The following RGS18 variants were observed in gnomAD, a reference collection of about 807,000 sequenced individuals.
The protein encoded by RGS18 is regulator of G-protein signaling 18.
RGS18 carries 22 observed loss-of-function variants against 27.6 expected under a neutral mutation model. The observed-to-expected ratio is 0.80, with a 90% CI of 0.57 to 1.14. RGS18 has a LOEUF of 1.14. Ranked by LOEUF, RGS18 falls within the 50% of genes most tolerant of loss-of-function variation. The pLI, the probability that RGS18 is intolerant of heterozygous loss-of-function variation, is 0.00. For missense variants in RGS18, 299 were observed against 269.6 expected (o/e 1.11, Z -0.76); for synonymous variants, 89 against 84.6 (o/e 1.05, Z -0.29).
chr1:192,169,240 A>T (rs900641167), intron 3 of RGS18: 2 of 152,174 alleles, frequency 1.3e-5, no homozygotes, highest in Non-Finnish European at 2.9e-5. Flanking sequence ...ATTATTTAAT[A>T]ACTCACTTTA....
At chr1:192,179,996 G>A (rs1376781473) in intron 3 of RGS18, among the ~76,000 whole-genome samples, 1 of 151,578 alleles carries the variant, frequency 6.6e-6, no homozygotes, top group African/African-American at 2.4e-5. Flanking sequence ...CTTCCTACGA[G>A]TTCATGTAAA....
At chr1:192,180,765 G>A (rs1280802644) in intron 3 of RGS18, among the ~76,000 whole-genome samples, 2 of 151,650 alleles carry the variant, frequency 1.3e-5, no homozygotes, top group African/African-American at 4.8e-5. Flanking sequence ...GCAAATTGAA[G>A]CCTTGTTCAT....
At chr1:192,160,299 T>C in intron 2 of RGS18, 79 bp from the exon 3 acceptor site, 1 of 746,140 alleles carries the variant, frequency 1.3e-6, no homozygotes, top group Non-Finnish European at 2.2e-6. Flanking sequence ...AAAAGAGCAG[T>C]AAAATAGCAT....
At chr1:192,179,575 G>T (rs1656415070) in intron 3 of RGS18, among the ~76,000 whole-genome samples, 1 of 151,412 alleles carries the variant, frequency 6.6e-6, no homozygotes, top group African/African-American at 2.4e-5. Flanking sequence ...ATGGCAGAAT[G>T]GTTAAACAAA....
At chr1:192,165,101 TAAC>T (rs1656140848) in intron 3 of RGS18, among the ~76,000 whole-genome samples, 1 of 152,038 alleles carries the variant, frequency 6.6e-6, no homozygotes, top group African/African-American at 2.4e-5. Flanking sequence ...TATTAATAAT[TAAC>T]AGCCCTGGGG....
At chr1:192,161,641 A>G (rs926779459) in intron 3 of RGS18, among the ~76,000 whole-genome samples, 2 of 152,088 alleles carry the variant, frequency 1.3e-5, no homozygotes, top group Non-Finnish European at 2.9e-5. Context: ...TTGAAATACA[A>G]TCATTTCCCA....
rs191806978 is a variant in RGS18, at chr1:192,180,262, A to G, written c.284-1030A>G. 2.7e-3 allele frequency among the ~76,000 whole-genome samples: 416 copies of G among 151,716 alleles called. 3 individuals are homozygous for G. Among genetic ancestry groups the G allele is most frequent in the African/African-American group, 9.7e-3 (401 of 41,474 alleles). The stretch of plus-strand genomic sequence containing the variant: ...CTAAAACCCTTATGGAGTTTTTAAT[A>G]TGTCCCAGTTACTGTTCCAAACACT... On this transcript the variant is annotated intron_variant, in intron 3 of 4. Transcript: ENST00000367460.
At chr1:192,175,242 T>A (rs550885187) in intron 3 of RGS18, among the ~76,000 whole-genome samples, 1 of 152,026 alleles carries the variant, frequency 6.6e-6, no homozygotes, top group South Asian at 2.1e-4. Flanking sequence ...TCCAACATTT[T>A]AGATAACTTA....
chr1:192,176,650 G>T (rs1457062559), intron 3 of RGS18, among the ~76,000 whole-genome samples: 1 of 151,234 alleles, frequency 6.6e-6, no homozygotes, highest in East Asian at 2.0e-4. Flanking sequence ...TCAAATCAAG[G>T]GCTTTGTCCA....
At chr1:192,162,665 C>T (rs749376304) in intron 3 of RGS18, among the ~76,000 whole-genome samples, 35 of 152,146 alleles carry the variant, frequency 2.3e-4, no homozygotes, top group African/African-American at 7.7e-4. Context: ...TTTCTTGCTC[C>T]GATTGTTTTG....
At chr1:192,173,279 A>T (rs1416114391) in intron 3 of RGS18, among the ~76,000 whole-genome samples, 1 of 152,008 alleles carries the variant, frequency 6.6e-6, no homozygotes, top group East Asian at 1.9e-4. Context: ...TAATGCCAGA[A>T]TATTTGCACC....
At chr1:192,176,279 T>C (rs796974277) in intron 3 of RGS18, among the ~76,000 whole-genome samples, 14 of 151,986 alleles carry the variant, frequency 9.2e-5, no homozygotes, top group Admixed American at 6.6e-4. Flanking sequence ...GTTTCCTTTT[T>C]TCAGTAGCCT....
chr1:192,160,475 A>G, intron 3 of RGS18, 36 bp downstream of exon 3: 1 of 1,470,126 alleles, frequency 6.8e-7, no homozygotes, highest in Non-Finnish European at 9.5e-7. Flanking sequence ...TTGTGTGCTT[A>G]ATGGAAAATT....
chr1:192,180,989 G>A (rs980534545), intron 3 of RGS18, among the ~76,000 whole-genome samples: 3 of 151,584 alleles, frequency 2.0e-5, no homozygotes, highest in Admixed American at 6.6e-5. Context: ...CGAGGGGAAC[G>A]GATAAAAGAG....
At position 192,177,262 on chromosome 1, in the gene RGS18, A is replaced by AT. The variant is rs553204628; in HGVS notation, c.284-4020dup. Reference sequence around the variant, plus strand: ...TTCACAATAGGACACAATTTTGTGGATTTTTTTTTTGCTTTTTTATGTTAC... The same window carrying AT: ...TTCACAATAGGACACAATTTTGTGGATTTTTTTTTTTGCTTTTTTATGTTAC... On this transcript the variant is annotated intron_variant, in intron 3 of 4. Transcript: ENST00000367460. Among the ~76,000 whole-genome samples the AT allele has an allele frequency of 2.4e-3, 355 of 147,646 alleles. 1 individual carries two copies. The highest frequency in any genetic ancestry group is 0.018 in the South Asian group (86 of 4,690).
At chr1:192,179,821 T>C (rs959882192) in intron 3 of RGS18, among the ~76,000 whole-genome samples, 4 of 151,526 alleles carry the variant, frequency 2.6e-5, no homozygotes, top group Non-Finnish European at 5.9e-5. Context: ...TGTGGGGAGA[T>C]GTAAATGTGG....
Sources: gnomAD v4.1 joint callset for allele counts (sites outside exome capture counted in the v4.1 genomes callset) on GRCh38, gnomAD v4.1.1 for gene constraint, MANE v1.5 for transcripts, NCBI Gene and HGNC (gene_info 2026-07-23, HGNC 2026-07-21) for gene names.